The following NALF1 variants were observed in gnomAD, a reference collection of about 807,000 sequenced individuals.
NALF1 encodes NALCN channel auxiliary factor 1.
In NALF1, 3 loss-of-function variants were observed where a neutral mutation model predicts 48.4. That is an observed-to-expected ratio of 0.06 (90% confidence interval 0.03 to 0.16). The LOEUF is 0.16. NALF1 is among the 10% of genes least tolerant of loss of function. The pLI, the probability that NALF1 is intolerant of heterozygous loss-of-function variation, is 1.00. For synonymous variants in NALF1, 262 were observed against 245.7 expected (o/e 1.07, Z -0.62); for missense variants, 526 against 571.5 (o/e 0.92, Z 0.81).
chr13:107,398,070 T>C (rs1883742124), intron 1 of NALF1, among the ~76,000 whole-genome samples: 2 of 152,142 alleles, frequency 1.3e-5, no homozygotes, highest in Admixed American at 6.5e-5. Context: ...TTCATCCTCA[T>C]TGTCCTTTTC....
At chr13:107,648,510 A>G (rs561343942) in intron 1 of NALF1, among the ~76,000 whole-genome samples, 2 of 152,276 alleles carry the variant, frequency 1.3e-5, no homozygotes, top group African/African-American at 4.8e-5. Flanking sequence ...TCGCAGCTTG[A>G]TAACTCATTT....
intron 1 of NALF1, among the ~76,000 whole-genome samples, chr13:107,490,514 G>A (rs986934587): frequency 2.0e-5 from 3 of 152,112 alleles, no homozygotes; most frequent in Non-Finnish European, 4.4e-5. Context: ...TCAATGATGA[G>A]ACTAGATGGA....
intron 1 of NALF1, among the ~76,000 whole-genome samples, chr13:107,474,864 A>G (rs974881589): frequency 1.1e-4 from 17 of 152,150 alleles, no homozygotes; most frequent in Non-Finnish European, 1.9e-4. Context: ...ATATTCTCTA[A>G]GAAGTTATTA....
At chr13:107,802,444 T>C (rs1315674923) in intron 1 of NALF1, among the ~76,000 whole-genome samples, 1 of 152,218 alleles carries the variant, frequency 6.6e-6, no homozygotes, top group African/African-American at 2.4e-5. Context: ...TTATAAATTA[T>C]GGCCTTCTAA....
chr13:107,210,981 G>A (rs1180308104), intron 1 of NALF1, among the ~76,000 whole-genome samples: 4 of 152,182 alleles, frequency 2.6e-5, no homozygotes, highest in Non-Finnish European at 5.9e-5. Context: ...CTAATAGAAT[G>A]TAAAAGGTAT....
chr13:107,551,110 C>T (rs1009407787), intron 1 of NALF1, among the ~76,000 whole-genome samples: 1 of 152,082 alleles, frequency 6.6e-6, no homozygotes, highest in Non-Finnish European at 1.5e-5. Flanking sequence ...GTATTCTTCT[C>T]TCTCTCTGGT....
At chr13:107,369,298 T>A (rs1883207696) in intron 1 of NALF1, among the ~76,000 whole-genome samples, 1 of 152,148 alleles carries the variant, frequency 6.6e-6, no homozygotes, top group Non-Finnish European at 1.5e-5. Context: ...TATAAAAAAA[T>A]CTCAGTATCT....
intron 1 of NALF1, among the ~76,000 whole-genome samples, chr13:107,575,774 A>T (rs925983979): frequency 3.3e-5 from 5 of 152,174 alleles, no homozygotes; most frequent in African/African-American, 1.2e-4. Context: ...ACAAAATTGT[A>T]GCATCTAAGG....
intron 1 of NALF1, among the ~76,000 whole-genome samples, chr13:107,234,952 T>C (rs1475984595): frequency 1.3e-5 from 2 of 152,104 alleles, no homozygotes; most frequent in African/African-American, 4.8e-5. Flanking sequence ...ACAGTACAGC[T>C]CCCATGCCCC....
intron 1 of NALF1, among the ~76,000 whole-genome samples, chr13:107,818,840 C>T (rs1360826241): frequency 2.5e-5 from 3 of 119,878 alleles, no homozygotes; most frequent in Non-Finnish European, 4.8e-5. Context: ...CCACTGCACT[C>T]CAGCCTGGGC....
intron 1 of NALF1, among the ~76,000 whole-genome samples, chr13:107,271,253 G>A (rs1332463128): frequency 1.3e-5 from 2 of 152,040 alleles, no homozygotes; most frequent in Non-Finnish European, 1.5e-5. Flanking sequence ...TTATCTGGGT[G>A]GGCCTAACTT....
intron 1 of NALF1, among the ~76,000 whole-genome samples, chr13:107,292,754 T>C (rs975017227): frequency 2.6e-5 from 4 of 152,176 alleles, no homozygotes; most frequent in Non-Finnish European, 5.9e-5. Flanking sequence ...AAGTATATTC[T>C]AAAATGATGA....
At chr13:107,208,231 A>G (rs1879683783) in intron 2 of NALF1, among the ~76,000 whole-genome samples, 1 of 152,124 alleles carries the variant, frequency 6.6e-6, no homozygotes, top group Non-Finnish European at 1.5e-5. Context: ...AGGTTTCCAA[A>G]TGTTCAGTGA....
rs1875514681 is a variant in NALF1, at chr13:107,709,932, T to C, written c.915+155750A>G. On this transcript the variant is annotated intron_variant, in intron 1 of 2. Coordinates refer to ENST00000375915, the MANE Select transcript of NALF1 (RefSeq NM_001080396.3). ...CTAAAAGTTTTAGCCAAACCTCAGA[T>C]TTAATTGGAAAGAGCTCAATATAAG... Among the ~76,000 whole-genome samples the C allele has an allele frequency of 3.3e-5, 5 of 152,148 alleles. No homozygotes were observed. The South Asian group carries it at 1.0e-3, about 32-fold the overall frequency.
At chr13:107,799,350 G>A (rs1878531213) in intron 1 of NALF1, among the ~76,000 whole-genome samples, 1 of 152,188 alleles carries the variant, frequency 6.6e-6, no homozygotes, top group South Asian at 2.1e-4. Context: ...CAGGTACGGA[G>A]ATGAAAGTGA....
At chr13:107,735,975 C>T (rs1344836067) in intron 1 of NALF1, among the ~76,000 whole-genome samples, 3 of 152,094 alleles carry the variant, frequency 2.0e-5, no homozygotes, top group Non-Finnish European at 4.4e-5. Flanking sequence ...ATGGCATTTG[C>T]CTCATTTTAT....
intron 1 of NALF1, among the ~76,000 whole-genome samples, chr13:107,241,598 A>C (rs991936667): frequency 6.6e-6 from 1 of 152,158 alleles, no homozygotes; most frequent in Non-Finnish European, 1.5e-5. Context: ...TTAGCACTTC[A>C]GTTGCTGTGA....
chr13:107,694,547 A>T (rs186006363), intron 1 of NALF1, among the ~76,000 whole-genome samples: 23 of 152,160 alleles, frequency 1.5e-4, no homozygotes, highest in Non-Finnish European at 2.6e-4. Flanking sequence ...AGAGACTGGG[A>T]CCCCACAAAA....
At chr13:107,753,470 T>C (rs1876998116) in intron 1 of NALF1, among the ~76,000 whole-genome samples, 1 of 151,942 alleles carries the variant, frequency 6.6e-6, no homozygotes, top group Non-Finnish European at 1.5e-5. Flanking sequence ...ATAGTGTGTT[T>C]GGTCATAACA....
Sources: allele counts gnomAD v4.1 joint callset (sites outside exome capture counted in the v4.1 genomes callset), GRCh38; gene constraint gnomAD v4.1.1; transcripts MANE v1.5; gene names NCBI Gene and HGNC (gene_info 2026-07-23, HGNC 2026-07-21).